The following RAB3IP variants were observed in gnomAD, a reference collection of about 807,000 sequenced individuals.
The protein encoded by RAB3IP is RAB3A interacting protein, also known as rab-3A-interacting protein.
A neutral mutation model predicts 59.1 loss-of-function variants in RAB3IP; 36 were observed. The observed-to-expected ratio is 0.61, with a 90% CI of 0.47 to 0.80. RAB3IP has a LOEUF of 0.80. Among genes scored for constraint, RAB3IP ranks in the 30% least tolerant of loss-of-function variants. The probability of loss-of-function intolerance (pLI) is 0.00; values close to 1 mark genes in which losing one functional copy is unlikely to be tolerated. For missense variants in RAB3IP, 511 were observed against 536.0 expected, an observed-to-expected ratio of 0.95 and a Z score of 0.46; for synonymous variants, 207 against 191.2, an observed-to-expected ratio of 1.08 and a Z score of -0.68.
intron 10 of RAB3IP, 102 bp downstream of exon 10, chr12:69,813,135 G>T: frequency 1.3e-6 from 1 of 772,060 alleles, no homozygotes; most frequent in South Asian, 2.0e-5. Context: ...GCTCATATCA[G>T]CTTTATTGTT....
chr12:69,780,634 G>A (rs150726905), intron 3 of RAB3IP, among the ~76,000 whole-genome samples: 1 of 152,272 alleles, frequency 6.6e-6, no homozygotes, highest in African/African-American at 2.4e-5. Context: ...GTGGGATATG[G>A]GTAAATCTTC....
At chr12:69,781,395 A>G (rs1874682649) in intron 3 of RAB3IP, among the ~76,000 whole-genome samples, 1 of 152,126 alleles carries the variant, frequency 6.6e-6, no homozygotes, top group Admixed American at 6.5e-5. Flanking sequence ...CAAAGTTCAT[A>G]GTTTACATTA....
intron 4 of RAB3IP, among the ~76,000 whole-genome samples, chr12:69,788,584 C>T (rs1876099569): frequency 6.6e-6 from 1 of 152,074 alleles, no homozygotes. Flanking sequence ...GATCTGAAGG[C>T]TGATACAGTA....
chr12:69,741,106 T>C (rs768864939), intron 1 of RAB3IP, among the ~76,000 whole-genome samples: 3 of 152,224 alleles, frequency 2.0e-5, no homozygotes, highest in Non-Finnish European at 4.4e-5. Context: ...AATGGTAAGA[T>C]GAGGATTTAA....
At chr12:69,750,275 G>C (rs899339020) in intron 1 of RAB3IP, among the ~76,000 whole-genome samples, 3 of 152,056 alleles carry the variant, frequency 2.0e-5, no homozygotes, top group Non-Finnish European at 4.4e-5. Context: ...TTGGCTCCTT[G>C]GCTTCCCATT....
At chr12:69,743,094 A>G (rs1271188378) in intron 1 of RAB3IP, among the ~76,000 whole-genome samples, 1 of 152,220 alleles carries the variant, frequency 6.6e-6, no homozygotes, top group Non-Finnish European at 1.5e-5. Context: ...ATATGAATTG[A>G]CAGCTTAGTA....
rs1289352415 is a variant in RAB3IP at position 69,755,500 on chromosome 12, A to C, written c.92A>C (p.Gln31Pro). Residue 31 changes from glutamine to proline, a missense_variant, in exon 2 of 11, where the codon CAA becomes CCA. Physicochemically the swap from Gln to Pro is moderately conservative, Grantham distance 76. Coordinates refer to ENST00000247833, the MANE Select transcript of RAB3IP (RefSeq NM_022456.5). Reference protein sequence around the residue: ...DLLGVYESGTQEQTTSPSVIY... With the variant: ...DLLGVYESGTPEQTTSPSVIY... ...CTTGGTGTGTATGAATCAGGAACTC[A>C]AGAGCAGACTACCTCACCAAGTGTC... 9.3e-6 allele frequency: 15 copies of C among 1,613,990 alleles called. No homozygotes were observed. Among genetic ancestry groups the C allele is most frequent in the Non-Finnish European group, 1.2e-5 (14 of 1,180,008 alleles).
chr12:69,791,691 A>G (rs976837727), intron 4 of RAB3IP, among the ~76,000 whole-genome samples: 1 of 152,220 alleles, frequency 6.6e-6, no homozygotes, highest in Non-Finnish European at 1.5e-5. Flanking sequence ...ATGTGGAGAA[A>G]AGGAACTTGT....
At chr12:69,794,644 A>G (rs1877159009) in intron 5 of RAB3IP, 130 bp downstream of exon 5, 2 of 632,592 alleles carry the variant, frequency 3.2e-6, no homozygotes. Context: ...CTACAGAAAA[A>G]TAGAAGAAAA....
intron 8 of RAB3IP, among the ~76,000 whole-genome samples, chr12:69,811,660 A>T (rs868039615): frequency 1.4e-4 from 21 of 152,324 alleles, no homozygotes; most frequent in African/African-American, 4.6e-4. Flanking sequence ...TAGTGCTTTT[A>T]AATATTGTTA....
At chr12:69,743,530 A>C (rs1887549502) in intron 1 of RAB3IP, among the ~76,000 whole-genome samples, 1 of 152,192 alleles carries the variant, frequency 6.6e-6, no homozygotes, top group Non-Finnish European at 1.5e-5. Context: ...TTTACAATGT[A>C]TACATTTTTA....
chr12:69,750,543 G>GTTTT (rs11304094), intron 1 of RAB3IP, among the ~76,000 whole-genome samples: 1 of 116,336 alleles, frequency 8.6e-6, no homozygotes, highest in Non-Finnish European at 1.8e-5. Flanking sequence ...CCTCTACCTC[G>GTTTT]TTTTTTTTTT....
chr12:69,797,751 C>T (rs535787283), intron 6 of RAB3IP, among the ~76,000 whole-genome samples: 1 of 151,470 alleles, frequency 6.6e-6, no homozygotes, highest in South Asian at 2.1e-4. Flanking sequence ...TCAATTCCCA[C>T]CTATGAGTGA....
At position 69,822,943 on chromosome 12, in the gene RAB3IP, AT is replaced by A. The variant is rs1339720078; in HGVS notation, c.*7499del. 2.0e-5 allele frequency: 3 copies of A among 152,174 alleles called. No individual in the cohort carries two copies. The East Asian group carries it at 5.8e-4, about 29-fold the overall frequency. The allele number at this position is 152,174 out of a possible 1,614,324, so 9.4% of individuals were successfully genotyped here. On this transcript the variant is annotated 3_prime_UTR_variant, in exon 11 of 11. Coordinates refer to ENST00000247833, the MANE Select transcript of RAB3IP (RefSeq NM_022456.5). ...TGCTCATGTTTTAAGAAATATACTT[AT>A]TGTTTAATATATCCTGTACCACTGT...
Position 69,784,835 on chromosome 12 carries a change from G to T in RAB3IP, c.606+20G>T. The stretch of plus-strand genomic sequence containing the variant: ...TTTGAGGTTGGTCTATTTACATCTT[G>T]GCCAACAGCAACATCTTGACTTTTA... On this transcript the variant is annotated intron_variant, in intron 4 of 10. Transcript: ENST00000247833. 7.2e-7 allele frequency: 1 copy of T among 1,390,682 alleles called. No homozygotes were observed. The highest frequency in any genetic ancestry group is 1.2e-5 in the South Asian group (1 of 82,242). The allele number at this position is 1,390,682 out of a possible 1,614,324, so 86.1% of individuals were successfully genotyped here. A position where few individuals can be genotyped will look rare whatever the true frequency, so the allele number is the denominator to read the frequency against.
At chr12:69,792,710 C>T (rs185732896) in intron 4 of RAB3IP, among the ~76,000 whole-genome samples, 3 of 152,240 alleles carry the variant, frequency 2.0e-5, no homozygotes. Flanking sequence ...TTTTGGGGCT[C>T]CAATTATATG....
Position 69,789,517 on chromosome 12 carries a change from G to A in RAB3IP, c.606+4702G>A, listed in dbSNP as rs186014384. 4.6e-5 allele frequency among the ~76,000 whole-genome samples: 7 copies of A among 152,136 alleles called. No homozygotes were observed. In the East Asian group the frequency reaches 1.3e-3, roughly 29 times the overall value. On this transcript the variant is annotated intron_variant, in intron 4 of 10. Coordinates refer to ENST00000247833, the MANE Select transcript of RAB3IP (RefSeq NM_022456.5). ...CAGGTAAATTCTACCAACATTCAAA[G>A]AAGAATCAGTGCCAATTCTTTTTAC...
At chr12:69,744,936 T>C (rs1476315252) in intron 1 of RAB3IP, among the ~76,000 whole-genome samples, 3 of 152,140 alleles carry the variant, frequency 2.0e-5, no homozygotes, top group Admixed American at 6.5e-5. Flanking sequence ...AATGAAAAAA[T>C]GATTTTATAT....
chr12:69,810,936 C>T (rs528518938), intron 8 of RAB3IP, among the ~76,000 whole-genome samples: 1 of 152,266 alleles, frequency 6.6e-6, no homozygotes, highest in South Asian at 2.1e-4. Flanking sequence ...GGTCAGAGGT[C>T]TGTTTGCATT....
Sources: gnomAD v4.1 joint callset for allele counts (sites outside exome capture counted in the v4.1 genomes callset) on GRCh38, gnomAD v4.1.1 for gene constraint, MANE v1.5 for transcripts, NCBI Gene and HGNC (gene_info 2026-07-23, HGNC 2026-07-21) for gene names.